ATRNL1: variants seen among roughly 807,000 people sequenced by gnomAD.
The protein encoded by ATRNL1 is attractin-like protein 1.
Under a neutral mutation model 182.7 loss-of-function variants are expected in ATRNL1, and 95 were observed. The observed-to-expected ratio is 0.52, with a 90% CI of 0.44 to 0.62. The LOEUF (loss-of-function observed/expected upper bound fraction) is 0.62, where lower values mean the gene tolerates loss of function less well. Ranked by LOEUF, ATRNL1 falls within the 20% of genes least tolerant of loss-of-function variation. The pLI is 0.00. For missense variants in ATRNL1, 1,471 were observed against 1,679.5 expected, an observed-to-expected ratio of 0.88 and a Z score of 2.17; for synonymous variants, 576 against 568.3, an observed-to-expected ratio of 1.01 and a Z score of -0.19.
At chr10:115,529,593 T>G (rs989803594) in intron 25 of ATRNL1, among the ~76,000 whole-genome samples, 1 of 151,950 alleles carries the variant, frequency 6.6e-6, no homozygotes, top group Non-Finnish European at 1.5e-5. Flanking sequence ...ATGATTACTC[T>G]TAAATTTTAA....
At chr10:115,682,120 C>A (rs1275598018) in intron 26 of ATRNL1, among the ~76,000 whole-genome samples, 2 of 152,096 alleles carry the variant, frequency 1.3e-5, no homozygotes, top group Non-Finnish European at 2.9e-5. Flanking sequence ...CTTTCTTGTT[C>A]TCTTTGATTA....
At chr10:115,689,318 A>G (rs1222801379) in intron 26 of ATRNL1, among the ~76,000 whole-genome samples, 1 of 152,046 alleles carries the variant, frequency 6.6e-6, no homozygotes, top group African/African-American at 2.4e-5. Flanking sequence ...GCATCATTAG[A>G]TTGTTGAGAT....
Position 115,196,379 on chromosome 10 carries a change from TC to T in ATRNL1, c.1349-19317del, listed in dbSNP as rs199789741. ...TAAATCTGGCGGTGTAAGTCTTCCA[TC>T]TTTTTTTCCATTTTAAAAAGTTTTG... On this transcript the variant is annotated intron_variant, in intron 8 of 28. Transcript: ENST00000355044. 4.8e-3 allele frequency among the ~76,000 whole-genome samples: 732 copies of T among 152,254 alleles called. 5 individuals are homozygous for T. The highest frequency in any genetic ancestry group is 0.015 in the African/African-American group (643 of 41,572).
chr10:115,765,963 T>C (rs1555074934), intron 27 of ATRNL1, among the ~76,000 whole-genome samples: 2 of 44,148 alleles, frequency 4.5e-5, no homozygotes, highest in Non-Finnish European at 9.4e-5. Flanking sequence ...GCTCTCCTTA[T>C]TAACCATCCT....
intron 26 of ATRNL1, among the ~76,000 whole-genome samples, chr10:115,575,637 TTTTA>T (rs1340764061): frequency 6.6e-6 from 1 of 152,120 alleles, no homozygotes; most frequent in Admixed American, 6.6e-5. Flanking sequence ...AAATATTCTT[TTTTA>T]TTTTTTATTT....
rs781883818 is a variant in ATRNL1, at chr10:115,825,336, C to T, written c.3904-22541C>T. Among the ~76,000 whole-genome samples, 6 of 151,956 alleles carry T rather than the reference C, an allele frequency of 3.9e-5. No individual in the cohort carries two copies. In the East Asian group the frequency reaches 5.8e-4, roughly 15 times the overall value. On this transcript the variant is annotated intron_variant, in intron 27 of 28. Transcript: ENST00000355044. ...TAGGAGAAATACCTAAAGTAGATGA[C>T]GGGTTGATGGGTACAGCAAACCACA...
intron 19 of ATRNL1, among the ~76,000 whole-genome samples, chr10:115,379,074 TC>T (rs1857839450): frequency 1.3e-5 from 2 of 152,306 alleles, no homozygotes; most frequent in South Asian, 2.1e-4. Context: ...TTTTTTTGCA[TC>T]TTTTTTTATC....
chr10:115,482,280 A>C (rs1358142734), intron 24 of ATRNL1, among the ~76,000 whole-genome samples: 1 of 151,078 alleles, frequency 6.6e-6, no homozygotes, highest in African/African-American at 2.4e-5. Flanking sequence ...TTCAGCACGC[A>C]GTGGGTTCTA....
At chr10:115,270,902 C>T (rs1283602305) in intron 13 of ATRNL1, among the ~76,000 whole-genome samples, 10 of 152,086 alleles carry the variant, frequency 6.6e-5, no homozygotes, top group African/African-American at 1.7e-4. Context: ...TACATATCTA[C>T]ATAAACCATA....
At chr10:115,925,988 C>G (rs1953218952) in intron 28 of ATRNL1, among the ~76,000 whole-genome samples, 1 of 152,164 alleles carries the variant, frequency 6.6e-6, no homozygotes, top group Non-Finnish European at 1.5e-5. Flanking sequence ...GGCACTTATT[C>G]TAAAATTGAC....
intron 27 of ATRNL1, among the ~76,000 whole-genome samples, chr10:115,829,831 G>A (rs1950519859): frequency 6.6e-6 from 1 of 152,126 alleles, no homozygotes; most frequent in Admixed American, 6.6e-5. Flanking sequence ...CCGGAGAAGA[G>A]TTCCTTAGGC....
In ATRNL1 at chr10:115,266,989, G is replaced by C. The variant is rs1413886262; in HGVS notation, c.1965G>C (p.Lys655Asn). The C allele has an allele frequency of 2.5e-6, 4 of 1,608,298 alleles. No homozygotes were observed. The highest frequency in any genetic ancestry group is 4.5e-5 in the East Asian group (2 of 44,692). ...ATACTAATAATATTCTTAGAGCAAA[G>C]TGCCCTCCTAAAACAGGTAAATTTC... is the stretch of plus-strand genomic sequence containing the variant. Reference protein sequence around the residue: ...SGNTNNILRAKCPPKTAASDD... With the variant: ...SGNTNNILRANCPPKTAASDD... The change falls in exon 12 of 29, where the codon AAG becomes AAC. Residue 655 changes from lysine to asparagine, a missense_variant. Lys to Asn is a moderately conservative substitution (Grantham distance 94, BLOSUM62 0). Transcript: ENST00000355044.
At chr10:115,435,983 A>C (rs1195459364) in intron 21 of ATRNL1, among the ~76,000 whole-genome samples, 2 of 152,154 alleles carry the variant, frequency 1.3e-5, no homozygotes, top group African/African-American at 4.8e-5. Flanking sequence ...GTGAATATAC[A>C]TTTATTTTAG....
chr10:115,203,614 C>G (rs1428319747), intron 8 of ATRNL1, among the ~76,000 whole-genome samples: 4 of 134,342 alleles, frequency 3.0e-5, no homozygotes, highest in African/African-American at 1.1e-4. Context: ...GAGTCTTGCT[C>G]TGTCACCCAG....
intron 10 of ATRNL1, among the ~76,000 whole-genome samples, chr10:115,258,415 A>G (rs553805191): frequency 6.6e-6 from 1 of 152,008 alleles, no homozygotes; most frequent in Admixed American, 6.5e-5. Flanking sequence ...AGCTATTGAA[A>G]CTTGTGCATG....
intron 27 of ATRNL1, among the ~76,000 whole-genome samples, chr10:115,759,058 A>G (rs1364824155): frequency 2.6e-5 from 4 of 152,234 alleles, no homozygotes; most frequent in Non-Finnish European, 5.9e-5. Flanking sequence ...ATAGGCATTT[A>G]TACTACCTTA....
At chr10:115,740,651 A>G (rs923468728) in intron 27 of ATRNL1, among the ~76,000 whole-genome samples, 3 of 152,216 alleles carry the variant, frequency 2.0e-5, no homozygotes, top group Middle Eastern at 3.4e-3. Context: ...GAATACAGGC[A>G]CACACCACCA....
chr10:115,335,657 T>G (rs1173272710), intron 19 of ATRNL1, among the ~76,000 whole-genome samples: 1 of 152,198 alleles, frequency 6.6e-6, no homozygotes, highest in African/African-American at 2.4e-5. Context: ...CATCTGCAGA[T>G]GGTGAAGTCC....
rs1182742664 is a variant in ATRNL1, at chr10:115,120,271, A to G, written c.377+3A>G. 61 of 1,454,136 alleles carry G rather than the reference A, an allele frequency of 4.2e-5. No individual in the cohort carries two copies. The highest frequency in any genetic ancestry group is 5.9e-5 in the Non-Finnish European group (61 of 1,042,388). 90.1% of individuals were successfully genotyped at this position (1,454,136 alleles called of 1,614,324 possible). On this transcript the variant is annotated splice_donor_region_variant and intron_variant, in intron 2 of 28. Coordinates refer to ENST00000355044, the MANE Select transcript of ATRNL1 (RefSeq NM_207303.4). ...TGTACTTGGCTCATTGAAGGCTAGT[A>G]AGTATACAGTCTGAGTCAAATTAAT...
Sources: allele counts gnomAD v4.1 joint callset (sites outside exome capture counted in the v4.1 genomes callset), GRCh38; gene constraint gnomAD v4.1.1; transcripts MANE v1.5; gene names NCBI Gene and HGNC (gene_info 2026-07-23, HGNC 2026-07-21).